Variants in NBAS observed in about 807,000 individuals in gnomAD.
NBAS encodes NAG/BC035112 fusion.
NBAS carries 219 observed loss-of-function variants against 302.5 expected under a neutral mutation model. The observed-to-expected ratio is 0.72, with a 90% confidence interval of 0.65 to 0.81. The LOEUF is 0.81. Ranked by LOEUF, NBAS falls within the 30% of genes least tolerant of loss-of-function variation. The pLI, the probability that NBAS is intolerant of heterozygous loss-of-function variation, is 0.00. For synonymous variants in NBAS, 1,118 were observed against 1,021.6 expected (o/e 1.09, Z -1.80); for missense variants, 2,932 against 2,841.6 (o/e 1.03, Z -0.72).
At chr2:14,909,589 A>C in the NBAS span, among the ~76,000 whole-genome samples, 7 of 152,300 alleles carry the variant, frequency 4.6e-5, no homozygotes, top group Admixed American at 3.9e-4. Context: ...TGTCTGTAAA[A>C]AATAGGATAT....
intron 6 of NBAS, among the ~76,000 whole-genome samples, chr2:15,547,215 G>C (rs760291975): frequency 6.6e-6 from 1 of 152,118 alleles, no homozygotes; most frequent in Non-Finnish European, 1.5e-5. Context: ...GAACCAAATA[G>C]CTCCTATTTC....
intron 28 of NBAS, among the ~76,000 whole-genome samples, chr2:15,392,227 C>T (rs1675642578): frequency 6.6e-6 from 1 of 150,784 alleles, no homozygotes; most frequent in Non-Finnish European, 1.5e-5. Flanking sequence ...TTTTAACATA[C>T]ATAAAAGTAA....
the NBAS span, among the ~76,000 whole-genome samples, chr2:15,025,702 G>A: frequency 6.6e-6 from 1 of 151,870 alleles, no homozygotes; most frequent in African/African-American, 2.4e-5. Flanking sequence ...TGTATTCCCA[G>A]GTATTTTACT....
At chr2:15,144,038 TATATATAAAA>T in the NBAS span, among the ~76,000 whole-genome samples, 2 of 49,828 alleles carry the variant, frequency 4.0e-5, no homozygotes, top group Non-Finnish European at 6.7e-5. Context: ...TATATTATCC[TATATATAAAA>T]ATATATATAT....
the NBAS span, among the ~76,000 whole-genome samples, chr2:14,911,873 A>T: frequency 6.6e-6 from 1 of 152,206 alleles, no homozygotes; most frequent in African/African-American, 2.4e-5. Context: ...CCTAACATAT[A>T]GGATTGTTAT....
the NBAS span, among the ~76,000 whole-genome samples, chr2:15,160,585 C>CGGGGGGGGGGGGGGG: frequency 3.9e-4 from 36 of 92,262 alleles, no homozygotes; most frequent in Admixed American, 1.5e-3. Context: ...CCAGTGTGGG[C>CGGGGGGGGGGGGGGG]GGGGGGAGGG....
chr2:15,221,601 G>C (rs181731168), intron 47 of NBAS, among the ~76,000 whole-genome samples: 1 of 152,178 alleles, frequency 6.6e-6, no homozygotes, highest in African/African-American at 2.4e-5. Flanking sequence ...AACTGTTTCG[G>C]AGGAAGAGAG....
chr2:15,450,575 A>G (rs879641136), intron 21 of NBAS, among the ~76,000 whole-genome samples: 5 of 152,208 alleles, frequency 3.3e-5, no homozygotes, highest in Admixed American at 2.6e-4. Flanking sequence ...CCACTAGATT[A>G]CAAATTTATC....
chr2:15,537,280 CAGG>C (rs1204656642), intron 7 of NBAS, among the ~76,000 whole-genome samples: 4 of 152,152 alleles, frequency 2.6e-5, no homozygotes, highest in Admixed American at 2.0e-4. Context: ...TCCTCAGTAC[CAGG>C]AGGAGGAGAT....
intron 38 of NBAS, among the ~76,000 whole-genome samples, chr2:15,310,177 T>C (rs1407357737): frequency 6.6e-6 from 1 of 152,198 alleles, no homozygotes; most frequent in Non-Finnish European, 1.5e-5. Context: ...GTTTAGCTGA[T>C]AGTCTAGGCA....
At chr2:14,888,702 T>C in the NBAS span, among the ~76,000 whole-genome samples, 1 of 152,224 alleles carries the variant, frequency 6.6e-6, no homozygotes, top group Non-Finnish European at 1.5e-5. Context: ...CTAGAGCCCA[T>C]GAAAGTCATA....
chr2:15,234,060 C>G (rs1255133108), intron 46 of NBAS, among the ~76,000 whole-genome samples: 1 of 152,118 alleles, frequency 6.6e-6, no homozygotes, highest in Non-Finnish European at 1.5e-5. Context: ...CGGTTTTATG[C>G]CATTAATTGC....
chr2:15,139,875 G>A, the NBAS span, among the ~76,000 whole-genome samples: 12 of 152,184 alleles, frequency 7.9e-5, no homozygotes, highest in African/African-American at 2.9e-4. Context: ...GTAACAGGTT[G>A]TATTTTCAAA....
chr2:15,120,306 C>T, the NBAS span, among the ~76,000 whole-genome samples: 1 of 152,198 alleles, frequency 6.6e-6, no homozygotes, highest in African/African-American at 2.4e-5. Context: ...ATTTAAACCC[C>T]ACAACAAACC....
chr2:15,196,998 G>T (rs1396592659), intron 48 of NBAS, among the ~76,000 whole-genome samples: 1 of 152,082 alleles, frequency 6.6e-6, no homozygotes, highest in Admixed American at 6.5e-5. Context: ...CACACAAAAT[G>T]AAATAAAAAA....
the NBAS span, among the ~76,000 whole-genome samples, chr2:15,049,645 G>C: frequency 6.6e-6 from 1 of 152,236 alleles, no homozygotes; most frequent in African/African-American, 2.4e-5. Context: ...TGAATTCCCA[G>C]CCCAGAGGGG....
Position 15,534,589 on chromosome 2 carries a change from G to A in NBAS, c.700C>T (p.His234Tyr). The change falls in exon 9 of 52, where the codon CAT becomes TAT. Residue 234 changes from histidine to tyrosine, a missense_variant. Coordinates refer to ENST00000281513, the MANE Select transcript of NBAS (RefSeq NM_015909.4). ...QESHCFSFSS[H>Y]YPHGINTAIY... ...GCTGTGTTGATTCCATGAGGATAAT[G>A]ACTACTGAAGCTGAAACAGTGACTT... 1 of 1,613,826 alleles carries A rather than the reference G, an allele frequency of 6.2e-7. No individual in the cohort carries two copies. Among genetic ancestry groups the A allele is most frequent in the African/African-American group, 1.3e-5 (1 of 75,040 alleles).
chr2:14,912,191 G>C, the NBAS span, among the ~76,000 whole-genome samples: 1 of 152,128 alleles, frequency 6.6e-6, no homozygotes, highest in Non-Finnish European at 1.5e-5. Context: ...AATATTACAG[G>C]ATCGCCGTTG....
the NBAS span, among the ~76,000 whole-genome samples, chr2:14,998,849 G>A: frequency 2.0e-5 from 3 of 152,284 alleles, no homozygotes; most frequent in East Asian, 3.9e-4. Context: ...TAAGAAAAAG[G>A]TCTCCTGATG....
Sources: gnomAD v4.1 joint callset for allele counts (sites outside exome capture counted in the v4.1 genomes callset) on GRCh38, gnomAD v4.1.1 for gene constraint, MANE v1.5 for transcripts, NCBI Gene and HGNC (gene_info 2026-07-23, HGNC 2026-07-21) for gene names.